DCN: variants seen among roughly 807,000 people sequenced by gnomAD.
The protein encoded by DCN is bone proteoglycan II.
Under a neutral mutation model 36.5 loss-of-function variants are expected in DCN, and 17 were observed. The observed-to-expected ratio is 0.47, with a 90% CI of 0.32 to 0.70. The LOEUF is 0.70. Among genes scored for constraint, DCN ranks in the 30% least tolerant of loss-of-function variants. The pLI, the probability that DCN is intolerant of heterozygous loss-of-function variation, is 0.04. For missense variants in DCN, 389 were observed against 430.1 expected (o/e 0.90, Z 0.84); for synonymous variants, 163 against 161.4 (o/e 1.01, Z -0.07).
At position 91,141,762 on chromosome 12, in the gene DCN, T is replaced by C. The variant is rs1259463882; in HGVS notation, c.*4296A>G. ...GTTCCTGATGGCCTGGAAGCATTCA[T>C]TCAGCCCTCACAGTCACTGCAGAAT... On this transcript the variant is annotated 3_prime_UTR_variant, in exon 8 of 8. Transcript: ENST00000052754. 2 of 152,160 alleles carry C rather than the reference T, an allele frequency of 1.3e-5. No individual in the cohort carries two copies. The highest frequency in any genetic ancestry group is 2.1e-4 in the South Asian group (1 of 4,826). 9.4% of individuals were successfully genotyped at this position (152,160 alleles called of 1,614,324 possible). A position where few individuals can be genotyped will look rare whatever the true frequency, so the allele number is the denominator to read the frequency against.
chr12:91,157,185 A>C lies in DCN; in HGVS notation c.542T>G (p.Leu181Arg). ...TGAGCTCTTCAGCGGATTGGTGCCC[A>C]GTTCTACAAATGTAATAAGTGCAAG... ...NGLNQMIVIE[L>R]GTNPLKSSGI... The change falls in exon 5 of 8, where the codon CTG (leucine) becomes CGG (arginine). Residue 181 changes from leucine to arginine, a missense_variant. Physicochemically the swap from Leu to Arg is moderately radical, Grantham distance 102. Transcript: ENST00000052754. 1 of 1,610,006 alleles carries C rather than the reference A, an allele frequency of 6.2e-7. No homozygotes were observed.
At chr12:91,157,211 G>T (rs779649768) in intron 4 of DCN, 23 bp from the exon 5 acceptor site, 1 of 1,540,406 alleles carries the variant, frequency 6.5e-7, no homozygotes, top group Non-Finnish European at 9.0e-7. Flanking sequence ...TAAGTGCAAG[G>T]CTTTTAGAGG....
At chr12:91,159,818 A>G (rs923584086) in intron 3 of DCN, among the ~76,000 whole-genome samples, 3 of 152,178 alleles carry the variant, frequency 2.0e-5, no homozygotes, top group Middle Eastern at 3.4e-3. Flanking sequence ...CCACTTTATT[A>G]ACTAATTATA....
chr12:91,152,388 C>G (rs2121178980), intron 6 of DCN, among the ~76,000 whole-genome samples: 1 of 152,030 alleles, frequency 6.6e-6, no homozygotes, highest in East Asian at 1.9e-4. Flanking sequence ...ATGAGTAAAT[C>G]TGGCATGATA....
rs1881005920 is a variant in DCN at position 91,146,232 on chromosome 12, G to A, written c.906C>T (p.Asn302=). 1 of 1,608,478 alleles carries A rather than the reference G, an allele frequency of 6.2e-7. No homozygotes were observed. Among genetic ancestry groups the A allele is most frequent in the African/African-American group, 1.3e-5 (1 of 74,488 alleles). Residue 302 remains asparagine, a synonymous_variant, in exon 8 of 8, where the codon AAC becomes AAT. Transcript: ENST00000052754. ...CACTTGATCCAACTACAGAGATATT[G>A]TTGTTATGAAGGTAGACAACCTACA... ...KYIQVVYLHN[N]NISVVGSSDF...
chr12:91,150,511 G>A (rs969026721), intron 7 of DCN, among the ~76,000 whole-genome samples: 3 of 152,148 alleles, frequency 2.0e-5, no homozygotes, highest in African/African-American at 7.2e-5. Flanking sequence ...TGATAAAATA[G>A]ATTAATGATT....
At chr12:91,181,026 G>C (rs943582592) in intron 1 of DCN, 1 of 152,080 alleles carries the variant, frequency 6.6e-6, no homozygotes, top group South Asian at 2.1e-4. Flanking sequence ...GTTTACTCCT[G>C]TTAAAATGGT....
At chr12:91,177,633 G>A in intron 2 of DCN, 1 of 702,288 alleles carries the variant, frequency 1.4e-6, no homozygotes, top group Admixed American at 2.0e-5. Context: ...TTTCTGAAAA[G>A]ATGATAAATC....
At chr12:91,151,470 C>A in intron 7 of DCN, 184 bp downstream of exon 7, 1 of 647,212 alleles carries the variant, frequency 1.5e-6, no homozygotes, top group Non-Finnish European at 2.7e-6. Context: ...TTATTGAAAT[C>A]TAGCTAATGT....
intron 7 of DCN, among the ~76,000 whole-genome samples, chr12:91,148,110 G>A (rs1302238253): frequency 6.7e-6 from 1 of 149,426 alleles, no homozygotes; most frequent in Non-Finnish European, 1.5e-5. Flanking sequence ...GTCTCGCGCT[G>A]TTATCCAGGC....
chr12:91,145,801 AG>A lies in DCN; in HGVS notation c.*256del. On this transcript the variant is annotated 3_prime_UTR_variant, in exon 8 of 8. Coordinates refer to ENST00000052754, the MANE Select transcript of DCN (RefSeq NM_001920.5). ...TATATTTACTCCAAATTTTACATTTAGTGAAATAAGAATATCTCTAGTAGCT... is the reference window on the plus strand; with the variant it reads ...TATATTTACTCCAAATTTTACATTTATGAAATAAGAATATCTCTAGTAGCT... 2.1e-6 allele frequency: 1 copy of A among 482,462 alleles called. No individual in the cohort carries two copies. The highest frequency in any genetic ancestry group is 2.2e-5 in the South Asian group (1 of 45,752). 29.9% of individuals were successfully genotyped at this position (482,462 alleles called of 1,614,324 possible). A position where few individuals can be genotyped will look rare whatever the true frequency, so the allele number is the denominator to read the frequency against.
At chr12:91,159,970 T>A (rs1414160279) in intron 3 of DCN, among the ~76,000 whole-genome samples, 1 of 152,130 alleles carries the variant, frequency 6.6e-6, no homozygotes, top group African/African-American at 2.4e-5. Flanking sequence ...GCAAGAATGT[T>A]TTCTAAAGGT....
chr12:91,162,992 A>G (rs1882257124), intron 3 of DCN, among the ~76,000 whole-genome samples: 1 of 152,202 alleles, frequency 6.6e-6, no homozygotes, highest in Non-Finnish European at 1.5e-5. Context: ...TTAAAATGCC[A>G]AGAACCAGAC....
chr12:91,173,156 C>G (rs1232884005), intron 2 of DCN, among the ~76,000 whole-genome samples: 1 of 151,894 alleles, frequency 6.6e-6, no homozygotes, highest in Non-Finnish European at 1.5e-5. Flanking sequence ...TCTTTTTCCA[C>G]TCTTTTGAAG....
At chr12:91,167,949 C>A (rs1250944311) in intron 2 of DCN, among the ~76,000 whole-genome samples, 1 of 152,128 alleles carries the variant, frequency 6.6e-6, no homozygotes, top group East Asian at 1.9e-4. Context: ...AAGCGATTCT[C>A]CTGCCTCAGT....
chr12:91,158,934 C>G (rs775988665), intron 3 of DCN, among the ~76,000 whole-genome samples: 2 of 151,676 alleles, frequency 1.3e-5, no homozygotes, highest in Non-Finnish European at 2.9e-5. Context: ...TGCACTCCAG[C>G]CTTGGTGACT....
chr12:91,168,421 T>G (rs1488698473), intron 2 of DCN, among the ~76,000 whole-genome samples: 1 of 152,238 alleles, frequency 6.6e-6, no homozygotes, highest in Non-Finnish European at 1.5e-5. Flanking sequence ...TAAACTATAC[T>G]GTCCTGCATT....
chr12:91,153,753 T>A (rs536965116), intron 5 of DCN, among the ~76,000 whole-genome samples: 1 of 152,060 alleles, frequency 6.6e-6, no homozygotes, highest in African/African-American at 2.4e-5. Flanking sequence ...CATTTACTTA[T>A]GCCTATTAAA....
chr12:91,156,608 A>C lies in DCN; in HGVS notation c.652+467T>G, dbSNP rs12426776. Among the ~76,000 whole-genome samples the C allele has an allele frequency of 5.4e-3, 786 of 145,500 alleles. 13 individuals are homozygous for C. Among genetic ancestry groups the C allele is most frequent in the Admixed American group, 0.032 (460 of 14,554 alleles). The stretch of plus-strand genomic sequence containing the variant: ...CTATCATTCAGATATTAATAACTGG[A>C]GTGTCTTAAAAAGGAAAAAAAAATT... On this transcript the variant is annotated intron_variant, in intron 5 of 7. Coordinates refer to ENST00000052754, the MANE Select transcript of DCN (RefSeq NM_001920.5).
Sources: allele counts gnomAD v4.1 joint callset (sites outside exome capture counted in the v4.1 genomes callset), GRCh38; gene constraint gnomAD v4.1.1; transcripts MANE v1.5; gene names NCBI Gene and HGNC (gene_info 2026-07-23, HGNC 2026-07-21).